Variants in AFAP1 observed in about 807,000 individuals in gnomAD.
AFAP1 encodes the protein actin filament associated protein 1.
In AFAP1, 75 loss-of-function variants were observed where a neutral mutation model predicts 93.9. The ratio of observed to expected loss-of-function variants is 0.80; its 90% CI spans 0.66 to 0.97. The LOEUF is 0.97. Among genes scored for constraint, AFAP1 ranks in the 50% least tolerant of loss-of-function variants. The probability of loss-of-function intolerance (pLI) is 0.00; values close to 1 mark genes in which losing one functional copy is unlikely to be tolerated. For synonymous variants in AFAP1, 517 were observed against 430.7 expected, an observed-to-expected ratio of 1.20 and a Z score of -2.48; for missense variants, 1,201 against 1,050.8, an observed-to-expected ratio of 1.14 and a Z score of -1.98.
chr4:7,918,150 CCAGATCACCAGGAAACCGGGCTGCCAG>C (rs1316819668), intron 1 of AFAP1, among the ~76,000 whole-genome samples: 47 of 152,208 alleles, frequency 3.1e-4, no homozygotes, highest in South Asian at 8.3e-4. Context: ...GCCACTCGGC[CCAGATCACCAGGAAACCGGGCTGCCAG>C]AAGAGACACT....
chr4:7,796,593 A>T (rs890582549), intron 10 of AFAP1, among the ~76,000 whole-genome samples: 2 of 150,652 alleles, frequency 1.3e-5, no homozygotes, highest in Non-Finnish European at 3.0e-5. Context: ...ACTAAAAAAT[A>T]AAAAAAAATT....
chr4:7,779,601 C>T (rs571100638), intron 13 of AFAP1, among the ~76,000 whole-genome samples: 1 of 152,316 alleles, frequency 6.6e-6, no homozygotes, highest in Non-Finnish European at 1.5e-5. Context: ...CTTTTTTCCA[C>T]GATACAGCTT....
At chr4:7,812,271 G>A (rs1273970261) in intron 8 of AFAP1, among the ~76,000 whole-genome samples, 1 of 152,112 alleles carries the variant, frequency 6.6e-6, no homozygotes, top group African/African-American at 2.4e-5. Flanking sequence ...GGTGGAGCAA[G>A]AGGTATCCCC....
At chr4:7,926,104 T>C (rs185306642) in intron 1 of AFAP1, among the ~76,000 whole-genome samples, 42 of 152,328 alleles carry the variant, frequency 2.8e-4, no homozygotes, top group African/African-American at 1.0e-3. Context: ...TAGCATCCTG[T>C]GTTCACACAA....
At chr4:7,905,863 CCAAA>C (rs1290158014) in intron 1 of AFAP1, among the ~76,000 whole-genome samples, 1 of 152,202 alleles carries the variant, frequency 6.6e-6, no homozygotes, top group East Asian at 1.9e-4. Context: ...GTAACATTTA[CCAAA>C]CAGCCTGCAG....
intron 9 of AFAP1, among the ~76,000 whole-genome samples, chr4:7,805,055 T>C (rs755281344): frequency 6.6e-5 from 10 of 152,142 alleles, no homozygotes; most frequent in Non-Finnish European, 1.0e-4. Context: ...TTCCTGCCCT[T>C]TCATCAGACT....
chr4:7,907,982 C>A (rs910734842), intron 1 of AFAP1, among the ~76,000 whole-genome samples: 1 of 152,086 alleles, frequency 6.6e-6, no homozygotes, highest in African/African-American at 2.4e-5. Flanking sequence ...AAGGCTGAGG[C>A]GGGAGGATCA....
chr4:7,770,584 T>TC (rs1317652983), intron 16 of AFAP1, among the ~76,000 whole-genome samples: 10 of 152,056 alleles, frequency 6.6e-5, no homozygotes, highest in African/African-American at 2.4e-5. Context: ...GGCAGAACCT[T>TC]CTTTTTTTTA....
At chr4:7,782,980 C>T (rs147921400) in intron 12 of AFAP1, among the ~76,000 whole-genome samples, 2,846 of 152,240 alleles carry the variant, frequency 0.019, 42 homozygotes, top group South Asian at 0.033. Context: ...TTAAGTCACA[C>T]GGAAGACTCA....
chr4:7,924,036 G>C (rs1720581250), intron 1 of AFAP1, among the ~76,000 whole-genome samples: 1 of 152,282 alleles, frequency 6.6e-6, no homozygotes, highest in East Asian at 1.9e-4. Context: ...AACACATTAA[G>C]GTCAATTTAA....
rs866496771 is a variant in AFAP1, at chr4:7,781,611, C to A, written c.1547G>T (p.Gly516Val). 2 of 1,551,664 alleles carry A rather than the reference C, an allele frequency of 1.3e-6. No individual in the cohort carries two copies. The highest frequency in any genetic ancestry group is 1.4e-5 in the African/African-American group (1 of 73,036). Residue 516 changes from glycine (G) to valine (V), a missense_variant, in exon 13 of 18, where the codon GGC (glycine) becomes GTC (valine). By Grantham distance (109) the Gly-to-Val change is moderately radical. Transcript: ENST00000420658. ...CINGSWEPEDGFPASCSRGLG... is the reference protein window; with the variant it reads ...CINGSWEPEDVFPASCSRGLG... ...GCCTCTGCTGCAGGAAGCAGGAAAG[C>A]CGTCTTCCGGTTCCCACTGCAACAC... is the stretch of plus-strand genomic sequence containing the variant.
At chr4:7,798,914 G>A (rs1364779006) in intron 10 of AFAP1, 2 of 986,804 alleles carry the variant, frequency 2.0e-6, no homozygotes, top group East Asian at 2.3e-4. Flanking sequence ...GCCAATTCAT[G>A]CCTCCTTCTC....
rs376351183 is a variant in AFAP1 at position 7,781,380 on chromosome 4, G to A, written c.1778C>T (p.Ser593Leu). 113 of 1,551,346 alleles carry A rather than the reference G, an allele frequency of 7.3e-5. No homozygotes were observed. The highest frequency in any genetic ancestry group is 1.2e-4 in the East Asian group (5 of 40,936). Residue 593 changes from serine (S) to leucine (L), a missense_variant, in exon 13 of 18, where the codon TCG becomes TTG. Ser to Leu is a moderately radical substitution (Grantham distance 145). Transcript: ENST00000420658. Reference sequence around the variant, plus strand: ...TTACAGAAGAAGATGCCGTACCTGCGAGTTGAGCCCGAGAGACGCCCTCCC... The same window carrying A: ...TTACAGAAGAAGATGCCGTACCTGCAAGTTGAGCCCGAGAGACGCCCTCCC... ...SVGRASLGLN[S>L]QLKGKKPPVA...
chr4:7,844,600 G>T (rs962470218), intron 4 of AFAP1, among the ~76,000 whole-genome samples: 1 of 152,334 alleles, frequency 6.6e-6, no homozygotes, highest in South Asian at 2.1e-4. Context: ...AGACCATCTC[G>T]TTGGCGGTGA....
chr4:7,783,911 T>C (rs1577202449), intron 12 of AFAP1, among the ~76,000 whole-genome samples: 1 of 152,140 alleles, frequency 6.6e-6, no homozygotes, highest in Non-Finnish European at 1.5e-5. Flanking sequence ...AAGTGGATGG[T>C]TCTCAGGATG....
rs1316306688 is a variant in AFAP1 at position 7,816,034 on chromosome 4, A to G, written c.888T>C (p.Cys296=). The G allele has an allele frequency of 1.2e-6, 2 of 1,612,528 alleles. No individual in the cohort carries two copies. The highest frequency in any genetic ancestry group is 8.5e-7 in the Non-Finnish European group (1 of 1,179,568). The change falls in exon 8 of 18, where the codon TGT becomes TGC. Residue 296 remains cysteine, a synonymous_variant. Coordinates refer to ENST00000420658, the MANE Select transcript of AFAP1 (RefSeq NM_001134647.2). ...AGAACTCACCTTGCTCCTTTCCATTACATGTGGTAATTCCATTTTCCACAA... is the reference window on the plus strand; with the variant it reads ...AGAACTCACCTTGCTCCTTTCCATTGCATGTGGTAATTCCATTTTCCACAA... ...EGVVENGITT[C]NGKEQVKRKK...
intron 1 of AFAP1, among the ~76,000 whole-genome samples, chr4:7,918,951 A>C (rs1720273116): frequency 6.8e-6 from 1 of 147,388 alleles, no homozygotes; most frequent in Non-Finnish European, 1.5e-5. Flanking sequence ...CCAGGTCACC[A>C]GGAAACAGGG....
At chr4:7,798,207 ACGG>A (rs1222445133) in intron 10 of AFAP1, among the ~76,000 whole-genome samples, 203 of 122,198 alleles carry the variant, frequency 1.7e-3, no homozygotes, top group African/African-American at 2.4e-3. Flanking sequence ...TGGCTGGCTC[ACGG>A]CACTGCAACT....
chr4:7,758,959 A>G lies in AFAP1; in HGVS notation c.*4806T>C, dbSNP rs1713388733. The G allele has an allele frequency of 6.6e-6, 1 of 152,342 alleles. No homozygotes were observed. Among genetic ancestry groups the G allele is most frequent in the Non-Finnish European group, 1.5e-5 (1 of 68,052 alleles). The allele number at this position is 152,342 out of a possible 1,614,324, so 9.4% of individuals were successfully genotyped here. A position where few individuals can be genotyped will look rare whatever the true frequency, so the allele number is the denominator to read the frequency against. On this transcript the variant is annotated 3_prime_UTR_variant, in exon 18 of 18. Coordinates refer to ENST00000420658, the MANE Select transcript of AFAP1 (RefSeq NM_001134647.2). ...ATATTTACAGTCATTTGAAGTGGGC[A>G]CTACTAACATATTTAATTTAAAAAA...
Sources: gnomAD v4.1 joint callset for allele counts (sites outside exome capture counted in the v4.1 genomes callset) on GRCh38, gnomAD v4.1.1 for gene constraint, MANE v1.5 for transcripts, NCBI Gene and HGNC (gene_info 2026-07-23, HGNC 2026-07-21) for gene names.